METAP1D: variants seen among roughly 807,000 people sequenced by gnomAD.
The protein encoded by METAP1D is methionine aminopeptidase 1D, mitochondrial.
METAP1D carries 31 observed loss-of-function variants against 40.5 expected under a neutral mutation model. The observed-to-expected ratio is 0.77, with a 90% CI of 0.58 to 1.03. The LOEUF is 1.03. METAP1D is among the 50% of genes least tolerant of loss of function. METAP1D has a pLI of 0.00. For synonymous variants in METAP1D, 151 were observed against 146.4 expected, an observed-to-expected ratio of 1.03 and a Z score of -0.22; for missense variants, 411 against 420.7, an observed-to-expected ratio of 0.98 and a Z score of 0.20.
At chr2:172,052,209 T>A (rs1489093091) in intron 1 of METAP1D, among the ~76,000 whole-genome samples, 1 of 152,224 alleles carries the variant, frequency 6.6e-6, no homozygotes, top group African/African-American at 2.4e-5. Flanking sequence ...GGCTTTATCA[T>A]CCAGAGGCTG....
At chr2:172,018,551 C>T (rs1688932650) in intron 1 of METAP1D, among the ~76,000 whole-genome samples, 1 of 152,144 alleles carries the variant, frequency 6.6e-6, no homozygotes, top group Non-Finnish European at 1.5e-5. Context: ...AATGACTACC[C>T]CTCTACCATT....
At chr2:172,055,766 A>C (rs888784273) in intron 1 of METAP1D, among the ~76,000 whole-genome samples, 1 of 152,208 alleles carries the variant, frequency 6.6e-6, no homozygotes, top group African/African-American at 2.4e-5. Context: ...TCAAATACAA[A>C]AGTGTCTTAT....
intron 1 of METAP1D, among the ~76,000 whole-genome samples, chr2:172,042,991 G>A (rs906509133): frequency 1.7e-5 from 2 of 116,504 alleles, no homozygotes; most frequent in African/African-American, 5.4e-5. Flanking sequence ...ATATGTGTGC[G>A]TGTGTACACA....
At chr2:172,034,000 C>A (rs566977494) in intron 1 of METAP1D, among the ~76,000 whole-genome samples, 1 of 150,426 alleles carries the variant, frequency 6.6e-6, no homozygotes, top group African/African-American at 2.4e-5. Flanking sequence ...TCACTTGAAC[C>A]CAGGAGGCGG....
chr2:172,028,847 TA>T (rs1689179138), intron 1 of METAP1D, among the ~76,000 whole-genome samples: 1 of 152,196 alleles, frequency 6.6e-6, no homozygotes, highest in Non-Finnish European at 1.5e-5. Context: ...TTAAGGACAT[TA>T]AAAATGTATT....
intron 5 of METAP1D, among the ~76,000 whole-genome samples, chr2:172,070,020 ATAAT>A (rs766827518): frequency 6.6e-6 from 1 of 152,168 alleles, no homozygotes; most frequent in Non-Finnish European, 1.5e-5. Flanking sequence ...AATGTGAAAA[ATAAT>A]TAGATAGGAC....
chr2:172,008,700 A>G (rs1028682658), intron 1 of METAP1D, among the ~76,000 whole-genome samples: 2 of 28,512 alleles, frequency 7.0e-5, no homozygotes, highest in African/African-American at 2.5e-4. Context: ...CTTTCTCTCA[A>G]AATATCTTTT....
rs1048254377 is a variant in METAP1D at position 172,080,994 on chromosome 2, C to T, written c.*588C>T. The T allele has an allele frequency of 6.3e-6, 1 of 158,546 alleles. No homozygotes were observed. Among genetic ancestry groups the T allele is most frequent in the Admixed American group, 6.1e-5 (1 of 16,466 alleles). The allele number at this position is 158,546 out of a possible 1,614,324, so 9.8% of individuals were successfully genotyped here. ...GCGGCTTTGCGATGAAAGATTAGCC[C>T]GCGAACAGAGGCATTGATTACAAAC... is the stretch of plus-strand genomic sequence containing the variant. On this transcript the variant is annotated 3_prime_UTR_variant, in exon 10 of 10. Transcript: ENST00000315796.
chr2:172,006,207 G>A (rs1688578949), intron 1 of METAP1D, among the ~76,000 whole-genome samples: 2 of 145,486 alleles, frequency 1.4e-5, no homozygotes, highest in Admixed American at 1.4e-4. Context: ...TTTTTGAGAC[G>A]AAGTCTCGCT....
At chr2:172,049,694 A>T (rs560676182) in intron 1 of METAP1D, among the ~76,000 whole-genome samples, 1 of 152,180 alleles carries the variant, frequency 6.6e-6, no homozygotes, top group Non-Finnish European at 1.5e-5. Flanking sequence ...AGGTTACTGT[A>T]TACTTTCTCT....
chr2:172,033,357 AT>A (rs1313514417), intron 1 of METAP1D, among the ~76,000 whole-genome samples: 2,272 of 145,188 alleles, frequency 0.016, 49 homozygotes, highest in African/African-American at 0.051. Flanking sequence ...CATTTGTTTA[AT>A]TTTTTTTTTT....
Position 172,080,439 on chromosome 2 carries a change from C to CT in METAP1D, c.*38dup. ...CCCGAAGGTCGCGGTGACCTGGTGC[C>CT]TTTTTAAATAAATTGCTGAAATTTG... On this transcript the variant is annotated 3_prime_UTR_variant, in exon 10 of 10. Coordinates refer to ENST00000315796, the MANE Select transcript of METAP1D (RefSeq NM_199227.3). The CT allele has an allele frequency of 6.2e-7, 1 of 1,607,046 alleles. No homozygotes were observed. Among genetic ancestry groups the CT allele is most frequent in the Non-Finnish European group, 8.5e-7 (1 of 1,174,032 alleles).
intron 1 of METAP1D, among the ~76,000 whole-genome samples, chr2:172,058,949 G>T (rs1171616168): frequency 6.6e-6 from 1 of 152,148 alleles, no homozygotes; most frequent in Non-Finnish European, 1.5e-5. Context: ...ATGTTTCACA[G>T]CTGAAATGTT....
chr2:172,028,542 C>CTGTG lies in METAP1D; in HGVS notation c.40+28583_40+28586dup, dbSNP rs10529698. Among the ~76,000 whole-genome samples the CTGTG allele has an allele frequency of 4.5e-3, 643 of 141,382 alleles. 4 individuals carry two copies. The highest frequency in any genetic ancestry group is 6.9e-3 in the Non-Finnish European group (445 of 64,722). 92.8% of individuals were successfully genotyped at this position (141,382 alleles called of 152,430 possible). A position where few individuals can be genotyped will look rare whatever the true frequency, so the allele number is the denominator to read the frequency against. Reference sequence around the variant, plus strand: ...CATGAGCAGACTTCTGTATGTGTGTCTGTGTGTGTGTGTGTGTGTGTGTGT... The same window carrying CTGTG: ...CATGAGCAGACTTCTGTATGTGTGTCTGTGTGTGTGTGTGTGTGTGTGTGTGTGT... On this transcript the variant is annotated intron_variant, in intron 1 of 9. Transcript: ENST00000315796.
chr2:172,014,089 C>T (rs1044229794), intron 1 of METAP1D, among the ~76,000 whole-genome samples: 1 of 150,936 alleles, frequency 6.6e-6, no homozygotes, highest in African/African-American at 2.4e-5. Context: ...TCTGAAAGTG[C>T]TGGGATTACA....
chr2:172,062,649 C>T (rs1294387615), intron 2 of METAP1D, among the ~76,000 whole-genome samples: 1 of 152,130 alleles, frequency 6.6e-6, no homozygotes, highest in Non-Finnish European at 1.5e-5. Flanking sequence ...CATTTGTGGG[C>T]ATTTGTGGTG....
rs1689558082 is a variant in METAP1D, at chr2:172,042,218, CATGTGTACACATAT to C, written c.41-19278_41-19265del. Among the ~76,000 whole-genome samples the C allele has an allele frequency of 9.2e-5, 2 of 21,762 alleles. 1 individual carries two copies. Among genetic ancestry groups the C allele is most frequent in the African/African-American group, 1.6e-4 (2 of 12,424 alleles). 14.3% of individuals were successfully genotyped at this position (21,762 alleles called of 152,430 possible). The stretch of plus-strand genomic sequence containing the variant: ...GTACACATATACATATGTATGTGTA[CATGTGTACACATAT>C]ACATATGTATGTGTACATGTGTACA... On this transcript the variant is annotated intron_variant, in intron 1 of 9. Coordinates refer to ENST00000315796, the MANE Select transcript of METAP1D (RefSeq NM_199227.3).
At chr2:172,033,959 C>A (rs145919225) in intron 1 of METAP1D, among the ~76,000 whole-genome samples, 1 of 151,644 alleles carries the variant, frequency 6.6e-6, no homozygotes, top group Admixed American at 6.6e-5. Context: ...TGCCTGTAAT[C>A]CCGGCTACTC....
At chr2:172,031,086 T>C (rs553144240) in intron 1 of METAP1D, among the ~76,000 whole-genome samples, 16 of 152,366 alleles carry the variant, frequency 1.1e-4, no homozygotes, top group African/African-American at 3.6e-4. Context: ...TAAAACAGGT[T>C]ATTATTAACA....
Sources: gnomAD v4.1 joint callset for allele counts (sites outside exome capture counted in the v4.1 genomes callset) on GRCh38, gnomAD v4.1.1 for gene constraint, MANE v1.5 for transcripts, NCBI Gene and HGNC (gene_info 2026-07-23, HGNC 2026-07-21) for gene names.